The following GRIP1 variants were observed in gnomAD, a reference collection of about 807,000 sequenced individuals.
GRIP1 encodes the protein glutamate receptor interacting protein 1.
A neutral mutation model predicts 129.9 loss-of-function variants in GRIP1; 45 were observed. The ratio of observed to expected loss-of-function variants is 0.35; its 90% CI spans 0.27 to 0.44. The LOEUF (loss-of-function observed/expected upper bound fraction) is 0.44, where lower values mean the gene tolerates loss of function less well. GRIP1 is among the 20% of genes least tolerant of loss of function. The probability of loss-of-function intolerance (pLI) is 1.00; values close to 1 mark genes in which losing one functional copy is unlikely to be tolerated. For synonymous variants in GRIP1, 530 were observed against 520.8 expected, an observed-to-expected ratio of 1.02 and a Z score of -0.24; for missense variants, 1,196 against 1,396.8, an observed-to-expected ratio of 0.86 and a Z score of 2.29.
At chr12:66,485,995 A>G (rs1287489416) in intron 7 of GRIP1, among the ~76,000 whole-genome samples, 1 of 151,994 alleles carries the variant, frequency 6.6e-6, no homozygotes, top group Non-Finnish European at 1.5e-5. Context: ...TGTCAGTACC[A>G]TATTGTCTTA....
intron 2 of GRIP1, among the ~76,000 whole-genome samples, chr12:66,561,393 A>G (rs994590797): frequency 2.0e-5 from 3 of 152,184 alleles, no homozygotes; most frequent in Admixed American, 6.5e-5. Context: ...ATTTACCCTG[A>G]TGTGATTATT....
chr12:66,668,073 C>T (rs984547805), intron 1 of GRIP1, among the ~76,000 whole-genome samples: 2 of 152,122 alleles, frequency 1.3e-5, no homozygotes, highest in African/African-American at 4.8e-5. Flanking sequence ...TTTACTTATG[C>T]TGATATTTGG....
At chr12:66,742,667 C>A (rs1310854820) in intron 1 of GRIP1, among the ~76,000 whole-genome samples, 1 of 151,936 alleles carries the variant, frequency 6.6e-6, no homozygotes, top group East Asian at 1.9e-4. Context: ...AAAGTTGTTT[C>A]AAGTGAGAGA....
At chr12:66,643,657 C>T (rs925343283) in intron 1 of GRIP1, among the ~76,000 whole-genome samples, 4 of 152,118 alleles carry the variant, frequency 2.6e-5, no homozygotes, top group African/African-American at 7.2e-5. Flanking sequence ...CTCCACTTCC[C>T]TGGCTCAAGC....
chr12:66,420,640 T>TTGGGTG, intron 15 of GRIP1, 80 bp downstream of exon 15: 1 of 813,330 alleles, frequency 1.2e-6, no homozygotes, highest in Non-Finnish European at 2.2e-6. Context: ...TTAGAAAGGT[T>TTGGGTG]TGCTTTGGGT....
At chr12:66,437,755 G>C (rs893398454) in intron 13 of GRIP1, among the ~76,000 whole-genome samples, 1 of 152,108 alleles carries the variant, frequency 6.6e-6, no homozygotes, top group Admixed American at 6.5e-5. Context: ...GGGTGCTGCT[G>C]AATGTTCTAC....
chr12:66,834,000 AC>A (rs896574527), intron 1 of GRIP1, among the ~76,000 whole-genome samples: 7 of 151,834 alleles, frequency 4.6e-5, no homozygotes, highest in African/African-American at 1.7e-4. Flanking sequence ...AAACCATGAA[AC>A]CCCGTCTCTA....
chr12:66,456,263 G>A lies in GRIP1; in HGVS notation c.1122C>T (p.His374=), dbSNP rs1167539885. ...SNHSSLHTNH[H]YNTYHPDHCR... ...AATGGTCAGGGTGGTACGTGTTATA[G>A]TGATGGTTGGTGTGAAGGCTGCTGT... The change falls in exon 10 of 25, where the codon CAC becomes CAT. Residue 374 remains histidine, a synonymous_variant. Coordinates refer to ENST00000359742, the MANE Select transcript of GRIP1 (RefSeq NM_001366722.1). 2.3e-6 allele frequency: 3 copies of A among 1,289,240 alleles called. No homozygotes were observed. The highest frequency in any genetic ancestry group is 3.0e-6 in the Non-Finnish European group (3 of 988,080). The allele number at this position is 1,289,240 out of a possible 1,614,324, so 79.9% of individuals were successfully genotyped here.
intron 1 of GRIP1, among the ~76,000 whole-genome samples, chr12:66,768,784 G>A (rs7302709): frequency 0.59 from 88,874 of 151,896 alleles, 26,333 homozygotes; most frequent in East Asian, 0.77. Context: ...CACATAACAG[G>A]GTGAAAAAAA....
chr12:66,448,249 G>A (rs1367539935), intron 11 of GRIP1, among the ~76,000 whole-genome samples: 4 of 151,850 alleles, frequency 2.6e-5, no homozygotes, highest in African/African-American at 4.8e-5. Flanking sequence ...CTGTGAACAG[G>A]ACCATCATTT....
chr12:66,681,516 A>G (rs749115007), upstream of GRIP1, among the ~76,000 whole-genome samples: 3 of 152,308 alleles, frequency 2.0e-5, no homozygotes, highest in Non-Finnish European at 4.4e-5. Context: ...AGCTACTACA[A>G]GGCAGAGTGA....
intron 1 of GRIP1, among the ~76,000 whole-genome samples, chr12:66,599,517 T>C (rs2139781928): frequency 6.6e-6 from 1 of 152,270 alleles, no homozygotes; most frequent in Non-Finnish European, 1.5e-5. Flanking sequence ...AAGCTACCCA[T>C]CACAGAATAA....
At chr12:67,007,655 T>C (rs2042647103) in intron 1 of GRIP1, among the ~76,000 whole-genome samples, 1 of 152,158 alleles carries the variant, frequency 6.6e-6, no homozygotes, top group African/African-American at 2.4e-5. Flanking sequence ...GTTCCTCTTG[T>C]TACTATTATC....
upstream of GRIP1, among the ~76,000 whole-genome samples, chr12:66,681,302 C>T (rs2034575678): frequency 6.6e-6 from 1 of 152,106 alleles, no homozygotes; most frequent in African/African-American, 2.4e-5. Flanking sequence ...TCCTGGGGAG[C>T]CACTCCCAGG....
intron 1 of GRIP1, among the ~76,000 whole-genome samples, chr12:66,650,290 T>A (rs1871550): frequency 0.15 from 23,139 of 152,188 alleles, 1,835 homozygotes; most frequent in African/African-American, 0.18. Context: ...TATCTCAGGC[T>A]GCTTGGGGGA....
At chr12:67,025,124 A>G (rs549706166) in intron 1 of GRIP1, among the ~76,000 whole-genome samples, 32 of 152,224 alleles carry the variant, frequency 2.1e-4, no homozygotes, top group Non-Finnish European at 4.4e-4. Context: ...AGATAACTTG[A>G]GGTCAGGAGT....
intron 1 of GRIP1, among the ~76,000 whole-genome samples, chr12:67,031,223 T>C (rs564391349): frequency 1.5e-3 from 233 of 152,328 alleles, no homozygotes; most frequent in African/African-American, 5.4e-3. Context: ...AACCTTCTAA[T>C]GGTGAAAGTC....
intron 1 of GRIP1, among the ~76,000 whole-genome samples, chr12:67,010,562 G>C (rs2135713361): frequency 6.6e-6 from 1 of 152,240 alleles, no homozygotes; most frequent in East Asian, 1.9e-4. Context: ...AATATACTTA[G>C]GGAGAGTGAC....
chr12:66,533,143 AGAGTT>A (rs1219199278), intron 4 of GRIP1, among the ~76,000 whole-genome samples: 1 of 152,168 alleles, frequency 6.6e-6, no homozygotes, highest in Non-Finnish European at 1.5e-5. Flanking sequence ...AAATTCTTTA[AGAGTT>A]AAGTGACCAA....
Sources: allele counts gnomAD v4.1 joint callset (sites outside exome capture counted in the v4.1 genomes callset), GRCh38; gene constraint gnomAD v4.1.1; transcripts MANE v1.5; gene names NCBI Gene and HGNC (gene_info 2026-07-23, HGNC 2026-07-21).